Variants in KAZN observed in about 807,000 individuals in gnomAD.
KAZN encodes the protein kazrin.
A neutral mutation model predicts 87.4 loss-of-function variants in KAZN; 40 were observed. That is an observed-to-expected ratio of 0.46 (90% CI 0.36 to 0.60). The LOEUF (loss-of-function observed/expected upper bound fraction) is 0.60, where lower values mean the gene tolerates loss of function less well. KAZN is among the 20% of genes least tolerant of loss of function. KAZN has a pLI of 0.00. For missense variants in KAZN, 898 were observed against 1,073.9 expected (o/e 0.84, Z 2.29); for synonymous variants, 466 against 458.3 (o/e 1.02, Z -0.22).
intron 2 of KAZN, among the ~76,000 whole-genome samples, chr1:15,016,686 C>T (rs1670142933): frequency 6.6e-6 from 1 of 152,184 alleles, no homozygotes; most frequent in Non-Finnish European, 1.5e-5. Flanking sequence ...CAGGGAAACC[C>T]AGGCTCATCT....
intron 2 of KAZN, among the ~76,000 whole-genome samples, chr1:14,251,534 A>G (rs752638949): frequency 5.3e-5 from 8 of 150,922 alleles, no homozygotes; most frequent in Non-Finnish European, 1.0e-4. Context: ...AGAGACTTCT[A>G]TGCCTTTCTG....
intron 1 of KAZN, among the ~76,000 whole-genome samples, chr1:14,065,070 A>G (rs1427333530): frequency 6.6e-6 from 1 of 152,148 alleles, no homozygotes; most frequent in African/African-American, 2.4e-5. Context: ...AAATGTGGGT[A>G]TGTGGGGCTC....
intron 1 of KAZN, among the ~76,000 whole-genome samples, chr1:14,149,610 G>A (rs1375391825): frequency 3.3e-5 from 5 of 152,070 alleles, no homozygotes; most frequent in African/African-American, 4.8e-5. Context: ...TCACCACTAC[G>A]TCATCTGATT....
intron 1 of KAZN, among the ~76,000 whole-genome samples, chr1:14,662,614 C>T (rs1639252593): frequency 6.6e-6 from 1 of 151,760 alleles, no homozygotes; most frequent in South Asian, 2.1e-4. Flanking sequence ...TACCTCTGAC[C>T]AATACTGGTC....
intron 1 of KAZN, among the ~76,000 whole-genome samples, chr1:14,652,480 C>CTTCCACCT (rs1354577997): frequency 8.7e-5 from 6 of 69,098 alleles, no homozygotes; most frequent in African/African-American, 3.2e-4. Flanking sequence ...CCCACCCACC[C>CTTCCACCT]GCCCATCCAC....
In KAZN at chr1:15,056,811, T is replaced by C. The variant is rs1262349888; in HGVS notation, c.916+531T>C. Among the ~76,000 whole-genome samples, 1 of 152,210 alleles carries C rather than the reference T, an allele frequency of 6.6e-6. No individual in the cohort carries two copies. Among genetic ancestry groups the C allele is most frequent in the Non-Finnish European group, 1.5e-5 (1 of 68,032 alleles). On this transcript the variant is annotated intron_variant, in intron 5 of 14. Coordinates refer to ENST00000376030, the MANE Select transcript of KAZN (RefSeq NM_201628.3). This position sits in a 1 kb window ranked among gnomAD's most constrained non-coding sequence, Gnocchi z 5.4. Reference sequence around the variant, plus strand: ...TGTCACAGGTGTTTGCTCCAGGCACTCGGCAGGGAAGTCTGGCCTGTGGAC... The same window carrying C: ...TGTCACAGGTGTTTGCTCCAGGCACCCGGCAGGGAAGTCTGGCCTGTGGAC...
chr1:14,150,003 T>A (rs1008890087), intron 1 of KAZN, among the ~76,000 whole-genome samples: 1 of 152,236 alleles, frequency 6.6e-6, no homozygotes, highest in South Asian at 2.1e-4. Flanking sequence ...ATACTAGTCA[T>A]AACGCAACAG....
At chr1:13,976,188 A>G (rs972912252) in intron 1 of KAZN, among the ~76,000 whole-genome samples, 3 of 152,314 alleles carry the variant, frequency 2.0e-5, no homozygotes, top group South Asian at 2.1e-4. Flanking sequence ...AATAATGACC[A>G]TTCTGTCTAA....
At position 14,949,446 on chromosome 1, in the gene KAZN, A is replaced by G. The variant is rs547877622; in HGVS notation, c.227-11238A>G. ...CATAAGTCATCAAGGAGGCCTGGCC[A>G]TGGGCTCTGGGACTGAGCAGTCCTT... On this transcript the variant is annotated intron_variant, in intron 1 of 14. Coordinates refer to ENST00000376030, the MANE Select transcript of KAZN (RefSeq NM_201628.3). The surrounding 1 kb of genome is among the most constrained non-coding windows in gnomAD (Gnocchi z 4.3). 2.0e-5 allele frequency among the ~76,000 whole-genome samples: 3 copies of G among 152,284 alleles called. No individual in the cohort carries two copies. The South Asian group carries it at 6.2e-4, about 32-fold the overall frequency.
rs150192931 is a variant in KAZN at position 15,047,725 on chromosome 1, C to T, written c.726+3566C>T. 6.1e-3 allele frequency among the ~76,000 whole-genome samples: 929 copies of T among 152,126 alleles called. 7 individuals are homozygous for T. The highest frequency in any genetic ancestry group is 0.042 in the South Asian group (203 of 4,812). ...GGCAGAGGTTGCACTGAGCCAAAAT[C>T]GCACCACTGCACTCCAGCCTGGGCA... On this transcript the variant is annotated intron_variant, in intron 4 of 14. Transcript: ENST00000376030.
chr1:14,972,667 ACCAC>A (rs1665191115), intron 2 of KAZN, among the ~76,000 whole-genome samples: 1 of 151,990 alleles, frequency 6.6e-6, no homozygotes, highest in Non-Finnish European at 1.5e-5. Flanking sequence ...GGCACCTGCC[ACCAC>A]GCCCGGCTAA....
intron 1 of KAZN, among the ~76,000 whole-genome samples, chr1:13,905,425 G>A (rs565558687): frequency 9.9e-5 from 15 of 152,264 alleles, no homozygotes; most frequent in African/African-American, 3.6e-4. Flanking sequence ...ACTCATATGA[G>A]GGTAAGCTTG....
chr1:14,137,727 A>C (rs1344953275), intron 1 of KAZN, among the ~76,000 whole-genome samples: 1 of 46,388 alleles, frequency 2.2e-5, no homozygotes, highest in African/African-American at 9.0e-5. Context: ...TTTTTTTTTG[A>C]GACAGAGTTT....
chr1:14,846,423 G>A lies in KAZN; in HGVS notation c.227-114261G>A, dbSNP rs145006187. Among the ~76,000 whole-genome samples, 49 of 152,256 alleles carry A rather than the reference G, an allele frequency of 3.2e-4. 2 individuals are homozygous for A. In the East Asian group the frequency reaches 9.3e-3, roughly 29 times the overall value. On this transcript the variant is annotated intron_variant, in intron 1 of 14. Transcript: ENST00000376030. ...AGGGAACCATAACAGAGAGGAGGCA[G>A]GGGGAATGGCTCTACACAGAGGCAG... is the stretch of plus-strand genomic sequence containing the variant.
intron 1 of KAZN, among the ~76,000 whole-genome samples, chr1:14,156,306 T>C (rs939553827): frequency 6.6e-6 from 1 of 152,238 alleles, no homozygotes; most frequent in African/African-American, 2.4e-5. Context: ...AGAATGAATA[T>C]TCTGCGGCTG....
At chr1:14,075,590 T>A (rs1643420106) in intron 1 of KAZN, among the ~76,000 whole-genome samples, 2 of 151,984 alleles carry the variant, frequency 1.3e-5, no homozygotes. Flanking sequence ...GGCAGACTTT[T>A]AAAAAAAAGT....
chr1:14,794,460 C>G (rs958631491), intron 1 of KAZN, among the ~76,000 whole-genome samples: 2 of 152,180 alleles, frequency 1.3e-5, no homozygotes, highest in Admixed American at 1.3e-4. Flanking sequence ...TCAGTTGCCT[C>G]CCCTACTAAA....
intron 2 of KAZN, among the ~76,000 whole-genome samples, chr1:14,370,240 G>A (rs919612600): frequency 5.3e-5 from 8 of 152,230 alleles, no homozygotes; most frequent in African/African-American, 1.7e-4. Flanking sequence ...GCTAGTGAAG[G>A]AGAGGAAGAA....
chr1:14,530,259 C>A (rs1183966404), intron 2 of KAZN, among the ~76,000 whole-genome samples: 1 of 152,190 alleles, frequency 6.6e-6, no homozygotes, highest in African/African-American at 2.4e-5. Context: ...ACACCCAAAG[C>A]AGACTGAGCT....
Sources: gnomAD v4.1 joint callset for allele counts (sites outside exome capture counted in the v4.1 genomes callset) on GRCh38, gnomAD v4.1.1 for gene constraint, Gnocchi (gnomAD v3.1) non-coding constraint, MANE v1.5 for transcripts, NCBI Gene and HGNC (gene_info 2026-07-23, HGNC 2026-07-21) for gene names.